Variants in CYP2J2 observed in about 807,000 individuals in gnomAD.
CYP2J2 encodes cytochrome P450 family 2 subfamily J member 2, also known as cytochrome P450 2J2.
A neutral mutation model predicts 48.8 loss-of-function variants in CYP2J2; 41 were observed. The observed-to-expected ratio is 0.84, with a 90% CI of 0.66 to 1.09. CYP2J2 has a LOEUF of 1.09. Among genes scored for constraint, CYP2J2 ranks in the 50% least tolerant of loss-of-function variants. The pLI is 0.00. For synonymous variants in CYP2J2, 221 were observed against 227.1 expected (o/e 0.97, Z 0.24); for missense variants, 644 against 617.3 (o/e 1.04, Z -0.46).
chr1:59,952,431 G>A, the CYP2J2 span, among the ~76,000 whole-genome samples: 3 of 152,060 alleles, frequency 2.0e-5, no homozygotes, highest in African/African-American at 7.2e-5. Context: ...GATTCAAGAG[G>A]AGGCATGGGA....
the CYP2J2 span, among the ~76,000 whole-genome samples, chr1:59,937,849 TAA>T: frequency 1.3e-5 from 2 of 152,058 alleles, no homozygotes; most frequent in African/African-American, 4.8e-5. Flanking sequence ...ACTCTGCTAT[TAA>T]AAGACTCTGA....
intron 7 of CYP2J2, chr1:59,904,457 C>T: frequency 6.3e-6 from 1 of 159,540 alleles, no homozygotes; most frequent in Non-Finnish European, 1.4e-5. Flanking sequence ...ATTCTAGAAC[C>T]CCAGGTTCAT....
At chr1:59,899,095 C>A (rs922937246) in intron 8 of CYP2J2, among the ~76,000 whole-genome samples, 1 of 152,178 alleles carries the variant, frequency 6.6e-6, no homozygotes, top group Non-Finnish European at 1.5e-5. Context: ...CCTCTCATCA[C>A]GGTTGCAGCT....
At chr1:59,956,864 GA>G in the CYP2J2 span, among the ~76,000 whole-genome samples, 1 of 152,156 alleles carries the variant, frequency 6.6e-6, no homozygotes, top group Non-Finnish European at 1.5e-5. Context: ...GGTGACTTCT[GA>G]TGCTGAGTCA....
the CYP2J2 span, among the ~76,000 whole-genome samples, chr1:59,939,429 A>G: frequency 1.1e-3 from 161 of 152,206 alleles, 2 homozygotes; most frequent in African/African-American, 3.4e-3. Flanking sequence ...GTTTCTCTCA[A>G]ACAAATAGAG....
At chr1:59,927,721 T>C (rs975211382), upstream of CYP2J2, among the ~76,000 whole-genome samples, 1 of 152,158 alleles carries the variant, frequency 6.6e-6, no homozygotes, top group Non-Finnish European at 1.5e-5. Flanking sequence ...TACAGGCACA[T>C]GCCACCATGC....
the CYP2J2 span, among the ~76,000 whole-genome samples, chr1:59,935,791 G>A: frequency 6.6e-6 from 1 of 152,158 alleles, no homozygotes; most frequent in Non-Finnish European, 1.5e-5. Context: ...CTTCTTCTAT[G>A]TGATGGAGTT....
chr1:59,900,679 T>C (rs1045886962), intron 8 of CYP2J2, among the ~76,000 whole-genome samples: 1 of 152,158 alleles, frequency 6.6e-6, no homozygotes, highest in African/African-American at 2.4e-5. Flanking sequence ...CTTTGTGAGC[T>C]GGTGGTGGAG....
At chr1:59,937,500 G>A in the CYP2J2 span, among the ~76,000 whole-genome samples, 1 of 151,866 alleles carries the variant, frequency 6.6e-6, no homozygotes, top group Non-Finnish European at 1.5e-5. Flanking sequence ...CAAGCTCATT[G>A]GGAACTAACT....
the CYP2J2 span, among the ~76,000 whole-genome samples, chr1:59,968,725 G>GT: frequency 2.6e-5 from 4 of 152,234 alleles, no homozygotes; most frequent in African/African-American, 9.6e-5. Context: ...GCACATGCAG[G>GT]TCACTGAGAC....
intron 8 of CYP2J2, among the ~76,000 whole-genome samples, chr1:59,895,666 A>T (rs1644262484): frequency 6.6e-6 from 1 of 151,876 alleles, no homozygotes; most frequent in African/African-American, 2.4e-5. Context: ...TATTATTATT[A>T]TACTTTAAGT....
At chr1:59,955,173 T>TAAATAAATAAATAAA in the CYP2J2 span, among the ~76,000 whole-genome samples, 1 of 125,556 alleles carries the variant, frequency 8.0e-6, no homozygotes, top group African/African-American at 3.4e-5. Flanking sequence ...AAATAAATAA[T>TAAATAAATAAATAAA]TAAAAAAATA....
chr1:59,941,086 A>C, the CYP2J2 span, among the ~76,000 whole-genome samples: 1 of 152,264 alleles, frequency 6.6e-6, no homozygotes, highest in South Asian at 2.1e-4. Flanking sequence ...ATAGCAGAGT[A>C]AGGTAACTAT....
the CYP2J2 span, among the ~76,000 whole-genome samples, chr1:59,960,045 AAAT>A: frequency 1.3e-5 from 2 of 152,172 alleles, no homozygotes; most frequent in African/African-American, 4.8e-5. Flanking sequence ...AAACCTATTG[AAAT>A]AATAATAAAA....
chr1:59,942,122 C>T, the CYP2J2 span, among the ~76,000 whole-genome samples: 3 of 152,014 alleles, frequency 2.0e-5, no homozygotes, highest in Non-Finnish European at 2.9e-5. Context: ...TATGTTCTGG[C>T]TGGAGGCAGC....
intron 7 of CYP2J2, among the ~76,000 whole-genome samples, chr1:59,902,169 C>T (rs1229797042): frequency 6.6e-6 from 1 of 152,178 alleles, no homozygotes; most frequent in African/African-American, 2.4e-5. Context: ...AGCTAATCCT[C>T]AGCTCAAACA....
At chr1:59,908,779 C>T (rs559789473) in intron 5 of CYP2J2, among the ~76,000 whole-genome samples, 3 of 152,276 alleles carry the variant, frequency 2.0e-5, no homozygotes, top group East Asian at 1.9e-4. Context: ...TATGTGTTAA[C>T]CAGAGGGGTA....
At chr1:59,909,476 T>C (rs1644392817) in intron 5 of CYP2J2, among the ~76,000 whole-genome samples, 1 of 152,186 alleles carries the variant, frequency 6.6e-6, no homozygotes, top group African/African-American at 2.4e-5. Context: ...GAGAAGATGC[T>C]GTGCTTCTGG....
chr1:59,914,401 C>T (rs1644445765), intron 2 of CYP2J2, among the ~76,000 whole-genome samples: 1 of 152,158 alleles, frequency 6.6e-6, no homozygotes, highest in South Asian at 2.1e-4. Context: ...AAAGGGAAGA[C>T]ATAAGAAATT....
Sources: allele counts gnomAD v4.1 joint callset (sites outside exome capture counted in the v4.1 genomes callset), GRCh38; gene constraint gnomAD v4.1.1; transcripts MANE v1.5; gene names NCBI Gene and HGNC (gene_info 2026-07-23, HGNC 2026-07-21).